Variants in TTC5 observed in about 807,000 individuals in gnomAD.
The protein encoded by TTC5 is tetratricopeptide repeat protein 5.
TTC5 carries 46 observed loss-of-function variants against 57.4 expected under a neutral mutation model. That is an observed-to-expected ratio of 0.80 (90% CI 0.63 to 1.03). The LOEUF (loss-of-function observed/expected upper bound fraction) is 1.03, where lower values mean the gene tolerates loss of function less well. Among genes scored for constraint, TTC5 ranks in the 50% least tolerant of loss-of-function variants. The probability of loss-of-function intolerance (pLI) is 0.00; values close to 1 mark genes in which losing one functional copy is unlikely to be tolerated. For missense variants in TTC5, 504 were observed against 528.1 expected (o/e 0.95, Z 0.45); for synonymous variants, 190 against 203.5 (o/e 0.93, Z 0.57).
At chr14:20,297,644 G>A (rs546340062) in intron 5 of TTC5, among the ~76,000 whole-genome samples, 19 of 152,128 alleles carry the variant, frequency 1.2e-4, no homozygotes, top group Non-Finnish European at 1.5e-4. Flanking sequence ...GGTGTGGCAC[G>A]TGCCTGTAAT....
At chr14:20,300,160 T>A (rs1449108372) in intron 3 of TTC5, among the ~76,000 whole-genome samples, 20,664 of 56,412 alleles carry the variant, frequency 0.37, 3,245 homozygotes, top group Non-Finnish European at 0.43. Flanking sequence ...TATATATTTT[T>A]TTTTTTTTTT....
In TTC5 at chr14:20,295,365, G is replaced by C. The variant is rs746941186; in HGVS notation, c.1005C>G (p.Ala335=). ...TAAATACCACCTTTCCCAGGATGAC[G>C]GCACCGCTGTTCACCCCAGGCTGAA... ...STLQPGVNSG[A]VILGKVVFSL... Residue 335 remains alanine, a synonymous_variant, in exon 8 of 10, where the codon GCC becomes GCG. Coordinates refer to ENST00000258821, the MANE Select transcript of TTC5 (RefSeq NM_138376.3). 1 of 1,614,120 alleles carries C rather than the reference G, an allele frequency of 6.2e-7. No individual in the cohort carries two copies. Among genetic ancestry groups the C allele is most frequent in the South Asian group, 1.1e-5 (1 of 91,078 alleles).
At chr14:20,297,311 T>G (rs889531374) in intron 5 of TTC5, among the ~76,000 whole-genome samples, 1 of 152,264 alleles carries the variant, frequency 6.6e-6, no homozygotes, top group African/African-American at 2.4e-5. Flanking sequence ...GCAGACCATG[T>G]GCTGTGAAGC....
Position 20,290,968 on chromosome 14 carries a change from A to G in TTC5, c.1203+1015T>C, listed in dbSNP as rs571420503. Reference sequence around the variant, plus strand: ...AATAAAGCTTTATTTGTGGACACTGAAATCTGAATTTCCTGTAATTTTCAC... The same window carrying G: ...AATAAAGCTTTATTTGTGGACACTGGAATCTGAATTTCCTGTAATTTTCAC... On this transcript the variant is annotated intron_variant, in intron 9 of 9. Coordinates refer to ENST00000258821, the MANE Select transcript of TTC5 (RefSeq NM_138376.3). 1.3e-4 allele frequency among the ~76,000 whole-genome samples: 20 copies of G among 152,312 alleles called. No individual in the cohort carries two copies. The South Asian group carries it at 3.9e-3, about 30-fold the overall frequency.
Position 20,298,783 on chromosome 14 carries a change from C to T in TTC5, c.639+14G>A, listed in dbSNP as rs368679621. The T allele has an allele frequency of 6.3e-7, 1 of 1,593,176 alleles. No individual in the cohort carries two copies. Reference sequence around the variant, plus strand: ...GTTGCCTATTCATCTGGCCTGGTGACCATAAGTACTTACTGCTTGGGCATA... The same window carrying T: ...GTTGCCTATTCATCTGGCCTGGTGATCATAAGTACTTACTGCTTGGGCATA... On this transcript the variant is annotated intron_variant, in intron 5 of 9. Transcript: ENST00000258821.
At chr14:20,299,026 A>C in intron 4 of TTC5, 138 bp from the exon 5 acceptor site, 1 of 752,200 alleles carries the variant, frequency 1.3e-6, no homozygotes, top group Non-Finnish European at 2.2e-6. Context: ...AGTATACCCA[A>C]AACTCCACTA....
At chr14:20,301,681 T>G in intron 2 of TTC5, 152 bp downstream of exon 2, 1 of 940,582 alleles carries the variant, frequency 1.1e-6, no homozygotes, top group Non-Finnish European at 1.5e-6. Context: ...GCTTAGGGAA[T>G]GAAAGGTTGC....
At chr14:20,298,273 C>A (rs1347972762) in intron 5 of TTC5, among the ~76,000 whole-genome samples, 1 of 152,152 alleles carries the variant, frequency 6.6e-6, no homozygotes, top group African/African-American at 2.4e-5. Flanking sequence ...AAATAAATTT[C>A]TTGAAAACCT....
In TTC5 at chr14:20,287,630, T is replaced by C. The variant is rs1248113260; in HGVS notation, c.*1997A>G. The C allele has an allele frequency of 2.0e-5, 3 of 152,208 alleles. No individual in the cohort carries two copies. The highest frequency in any genetic ancestry group is 2.9e-5 in the Non-Finnish European group (2 of 68,038). 9.4% of individuals were successfully genotyped at this position (152,208 alleles called of 1,614,324 possible). A position where few individuals can be genotyped will look rare whatever the true frequency, so the allele number is the denominator to read the frequency against. On this transcript the variant is annotated 3_prime_UTR_variant, in exon 10 of 10. Coordinates refer to ENST00000258821, the MANE Select transcript of TTC5 (RefSeq NM_138376.3). ...TGAAACCGTATGTACAAATTTTGCA[T>C]ACTTACTTGTTTGTACGCACTGCTT...
intron 5 of TTC5, 49 bp from the exon 6 acceptor site, chr14:20,296,495 G>A (rs746158272): frequency 2.1e-6 from 3 of 1,435,472 alleles, no homozygotes; most frequent in Non-Finnish European, 3.0e-6. Flanking sequence ...CAATGTTAAG[G>A]ACTGACATGC....
chr14:20,302,031 T>C (rs1882204281), intron 1 of TTC5, 66 bp from the exon 2 acceptor site: 32 of 1,565,464 alleles, frequency 2.0e-5, no homozygotes, highest in Non-Finnish European at 2.5e-5. Flanking sequence ...TGAAATTGGC[T>C]AGCCATACCA....
intron 8 of TTC5, 109 bp downstream of exon 8, chr14:20,295,203 G>A (rs1882034045): frequency 1.0e-6 from 1 of 980,574 alleles, no homozygotes; most frequent in East Asian, 2.5e-5. Context: ...GAAATCAGAA[G>A]TCACAAATCT....
intron 9 of TTC5, among the ~76,000 whole-genome samples, chr14:20,291,231 A>G (rs962328004): frequency 8.6e-5 from 13 of 151,972 alleles, no homozygotes; most frequent in African/African-American, 3.1e-4. Context: ...GTTTTTTAAC[A>G]TTTTTTTGTA....
intron 8 of TTC5, 45 bp downstream of exon 8, chr14:20,295,267 A>G (rs1196271363): frequency 5.1e-6 from 8 of 1,571,642 alleles, no homozygotes; most frequent in Non-Finnish European, 5.3e-6. Context: ...AGTGAGAGCA[A>G]TTAGTTCAAA....
At chr14:20,300,157 T>A (rs2318865) in intron 3 of TTC5, among the ~76,000 whole-genome samples, 1,151 of 73,036 alleles carry the variant, frequency 0.016, 4 homozygotes, top group East Asian at 0.044. Flanking sequence ...ATATATATAT[T>A]TTTTTTTTTT....
In TTC5 at chr14:20,305,920, C is replaced by T; in HGVS notation, c.18G>A (p.Glu6=). The T allele has an allele frequency of 6.2e-7, 1 of 1,614,172 alleles. No homozygotes were observed. Among genetic ancestry groups the T allele is most frequent in the Non-Finnish European group, 8.5e-7 (1 of 1,180,036 alleles). ...TCTGCAAGATCGGCTTGACTTCTTC[C>T]TCTTCATCAGCCATCATCTCCCGGC... is the stretch of plus-strand genomic sequence containing the variant. The part of the protein sequence containing the change: MMADE[E]EEVKPILQKL... Residue 6 remains glutamate (E), a synonymous_variant, in exon 1 of 10, where the codon GAG becomes GAA. Coordinates refer to ENST00000258821, the MANE Select transcript of TTC5 (RefSeq NM_138376.3).
intron 4 of TTC5, 101 bp downstream of exon 4, chr14:20,299,197 C>A: frequency 7.3e-7 from 1 of 1,362,558 alleles, no homozygotes; most frequent in Non-Finnish European, 1.0e-6. Context: ...CCCTCTCTGG[C>A]TTAAACCTCA....
intron 8 of TTC5, chr14:20,294,799 T>A (rs1346338131): frequency 6.5e-6 from 1 of 152,954 alleles, no homozygotes; most frequent in African/African-American, 2.4e-5. Context: ...ACCTGGGTCC[T>A]TTACATTTCT....
chr14:20,301,233 G>A (rs1368896153), intron 2 of TTC5, among the ~76,000 whole-genome samples: 2 of 152,198 alleles, frequency 1.3e-5, no homozygotes, highest in African/African-American at 4.8e-5. Context: ...ACAAAACAGA[G>A]AGAGAGAAGA....
Sources: allele counts gnomAD v4.1 joint callset (sites outside exome capture counted in the v4.1 genomes callset), GRCh38; gene constraint gnomAD v4.1.1; transcripts MANE v1.5; gene names NCBI Gene and HGNC (gene_info 2026-07-23, HGNC 2026-07-21).